SMIM8: variants seen among roughly 807,000 people sequenced by gnomAD.
The protein encoded by SMIM8 is UPF0708 protein C6orf162.
Under a neutral mutation model 8.1 loss-of-function variants are expected in SMIM8, and 8 were observed. The ratio of observed to expected loss-of-function variants is 0.99; its 90% CI spans 0.58 to 1.78. The LOEUF (loss-of-function observed/expected upper bound fraction) is 1.78. Among genes scored for constraint, SMIM8 ranks in the 40% most tolerant of loss-of-function variants. The pLI, the probability that SMIM8 is intolerant of heterozygous loss-of-function variation, is 0.00. For missense variants in SMIM8, 126 were observed against 119.8 expected (o/e 1.05, Z -0.24); for synonymous variants, 45 against 39.7 (o/e 1.13, Z -0.50).
At chr6:87,338,583 C>A (rs979928691) in intron 3 of SMIM8, among the ~76,000 whole-genome samples, 22 of 152,138 alleles carry the variant, frequency 1.4e-4, no homozygotes, top group African/African-American at 4.3e-4. Flanking sequence ...GCCCACATAA[C>A]AAGGGCTTCA....
chr6:87,332,019 G>T (rs1057229171), intron 2 of SMIM8, among the ~76,000 whole-genome samples: 3 of 152,010 alleles, frequency 2.0e-5, no homozygotes, highest in African/African-American at 7.2e-5. Flanking sequence ...TAAGGTAAAT[G>T]TGAGTGTCTG....
intron 1 of SMIM8, among the ~76,000 whole-genome samples, chr6:87,327,653 G>A (rs1776862229): frequency 6.6e-6 from 1 of 150,978 alleles, no homozygotes; most frequent in Non-Finnish European, 1.5e-5. Flanking sequence ...TCCCTTTGTG[G>A]GTAACCCGAC....
chr6:87,328,985 G>T (rs1414331579), intron 1 of SMIM8, among the ~76,000 whole-genome samples: 4 of 152,210 alleles, frequency 2.6e-5, no homozygotes, highest in African/African-American at 9.7e-5. Flanking sequence ...TCGGAAAAGC[G>T]CAGGATTCGG....
chr6:87,325,309 TAGGAGTG>T (rs996878678), intron 1 of SMIM8, among the ~76,000 whole-genome samples: 1 of 144,910 alleles, frequency 6.9e-6, no homozygotes, highest in Non-Finnish European at 1.5e-5. Context: ...CTATGTTGAA[TAGGAGTG>T]GTGAGAGAGG....
chr6:87,340,891 T>G lies in SMIM8; in HGVS notation c.*617T>G, dbSNP rs954868857. 1.3e-5 allele frequency: 2 copies of G among 158,402 alleles called. No homozygotes were observed. The highest frequency in any genetic ancestry group is 2.7e-5 in the Non-Finnish European group (2 of 72,740). 9.8% of individuals were successfully genotyped at this position (158,402 alleles called of 1,614,324 possible). On this transcript the variant is annotated 3_prime_UTR_variant, in exon 4 of 4. Transcript: ENST00000392863. ...AATGGAAAAGATCCTTCCACTCAGCTACTAAAATAAGGATTAAGAATATCC... is the reference window on the plus strand; with the variant it reads ...AATGGAAAAGATCCTTCCACTCAGCGACTAAAATAAGGATTAAGAATATCC...
intron 3 of SMIM8, among the ~76,000 whole-genome samples, chr6:87,338,259 A>G (rs1777154539): frequency 6.6e-6 from 1 of 152,208 alleles, no homozygotes; most frequent in Non-Finnish European, 1.5e-5. Flanking sequence ...GTGTCACCTA[A>G]AGGAAGAAAC....
Position 87,322,776 on chromosome 6 carries a change from C to T in SMIM8, c.-45+144C>T, listed in dbSNP as rs115956240. ...GGGAGGGAGCGTCCTCTCGGATAGC[C>T]CAAATCTTTGCCTCTCCGTGGACTC... On this transcript the variant is annotated intron_variant, in intron 1 of 3. Coordinates refer to ENST00000392863, the MANE Select transcript of SMIM8 (RefSeq NM_001042493.3). The T allele has an allele frequency of 3.9e-3, 588 of 152,218 alleles. 1 individual carries two copies. The highest frequency in any genetic ancestry group is 0.014 in the African/African-American group (564 of 41,496). 9.4% of individuals were successfully genotyped at this position (152,218 alleles called of 1,614,324 possible).
At chr6:87,329,984 G>A (rs2127920340) in intron 1 of SMIM8, among the ~76,000 whole-genome samples, 1 of 152,252 alleles carries the variant, frequency 6.6e-6, no homozygotes, top group South Asian at 2.1e-4. Context: ...TTTTATAAAG[G>A]TAGAAACTGA....
chr6:87,328,927 G>A (rs1436635921), intron 1 of SMIM8, among the ~76,000 whole-genome samples: 5 of 152,186 alleles, frequency 3.3e-5, no homozygotes, highest in Non-Finnish European at 5.9e-5. Flanking sequence ...AGGACCCTCC[G>A]AACCACGTGC....
chr6:87,328,900 C>G (rs1001260568), intron 1 of SMIM8, among the ~76,000 whole-genome samples: 1 of 152,180 alleles, frequency 6.6e-6, no homozygotes, highest in African/African-American at 2.4e-5. Flanking sequence ...TAGCAATCAG[C>G]CAGACTCCGT....
intron 2 of SMIM8, among the ~76,000 whole-genome samples, chr6:87,335,896 C>T (rs1278821455): frequency 6.7e-6 from 1 of 148,976 alleles, no homozygotes; most frequent in African/African-American, 2.5e-5. Context: ...TGCCTGTAGT[C>T]CTAGCTACCT....
intron 2 of SMIM8, among the ~76,000 whole-genome samples, chr6:87,332,977 A>G (rs978401844): frequency 2.0e-5 from 3 of 152,018 alleles, no homozygotes; most frequent in Admixed American, 1.3e-4. Context: ...TTCTTTTCCT[A>G]TCTTAGCCCA....
intron 1 of SMIM8, among the ~76,000 whole-genome samples, chr6:87,326,428 G>A (rs139049205): frequency 1.1e-4 from 16 of 151,866 alleles, no homozygotes; most frequent in Non-Finnish European, 1.3e-4. Context: ...CCCTCTACAT[G>A]CTGCTTTGAA....
intron 2 of SMIM8, among the ~76,000 whole-genome samples, chr6:87,332,344 A>ATATATAT (rs1490339070): frequency 7.0e-6 from 1 of 143,332 alleles, no homozygotes; most frequent in Non-Finnish European, 1.5e-5. Flanking sequence ...TATATATATA[A>ATATATAT]ATGACAGCAG....
intron 2 of SMIM8, among the ~76,000 whole-genome samples, chr6:87,333,965 C>A (rs1267434227): frequency 6.6e-6 from 1 of 152,182 alleles, no homozygotes; most frequent in Non-Finnish European, 1.5e-5. Flanking sequence ...GCATCTGCCC[C>A]TGGTGAGGGC....
chr6:87,337,153 T>C lies in SMIM8; in HGVS notation c.122T>C (p.Leu41Pro), dbSNP rs1777132857. 1 of 1,610,334 alleles carries C rather than the reference T, an allele frequency of 6.2e-7. No homozygotes were observed. Among genetic ancestry groups the C allele is most frequent in the Non-Finnish European group, 8.5e-7 (1 of 1,177,978 alleles). ...TTLFRAVNPE[L>P]FIKPNKPVMA... The stretch of plus-strand genomic sequence containing the variant: ...TTATTTCGTGCTGTGAATCCAGAGC[T>C]CTTCATTAAACCTGTAAGAAATACA... The change falls in exon 3 of 4, where the codon CTC becomes CCC. Residue 41 changes from leucine (L) to proline (P), a missense_variant. Physicochemically the swap from Leu to Pro is moderately conservative, Grantham distance 98. Coordinates refer to ENST00000392863, the MANE Select transcript of SMIM8 (RefSeq NM_001042493.3).
rs1777219110 is a variant in SMIM8, at chr6:87,340,934, T to A, written c.*660T>A. On this transcript the variant is annotated 3_prime_UTR_variant, in exon 4 of 4. Transcript: ENST00000392863. Reference sequence around the variant, plus strand: ...GAATATCCCAGAGTAATTGGAGTTTTTCTTTAAAAAAAAAAAAAAAGTATG... The same window carrying A: ...GAATATCCCAGAGTAATTGGAGTTTATCTTTAAAAAAAAAAAAAAAGTATG... 1 of 124,926 alleles carries A rather than the reference T, an allele frequency of 8.0e-6. No individual in the cohort carries two copies. The highest frequency in any genetic ancestry group is 2.9e-4 in the South Asian group (1 of 3,478). The allele number at this position is 124,926 out of a possible 1,614,324, so 7.7% of individuals were successfully genotyped here. A position where few individuals can be genotyped will look rare whatever the true frequency, so the allele number is the denominator to read the frequency against.
intron 1 of SMIM8, among the ~76,000 whole-genome samples, chr6:87,327,604 G>T: frequency 6.6e-6 from 1 of 151,342 alleles, no homozygotes; most frequent in African/African-American, 2.4e-5. Flanking sequence ...CTGGCTTGTA[G>T]AGTTTCTGCC....
intron 1 of SMIM8, among the ~76,000 whole-genome samples, chr6:87,328,180 C>T (rs1776882145): frequency 6.6e-6 from 1 of 152,180 alleles, no homozygotes; most frequent in Non-Finnish European, 1.5e-5. Flanking sequence ...AAGTTTTCAA[C>T]TTCTTTGCCT....
Sources: allele counts gnomAD v4.1 joint callset (sites outside exome capture counted in the v4.1 genomes callset), GRCh38; gene constraint gnomAD v4.1.1; transcripts MANE v1.5; gene names NCBI Gene and HGNC (gene_info 2026-07-23, HGNC 2026-07-21).